PLXDC2: variants seen among roughly 807,000 people sequenced by gnomAD.
The protein encoded by PLXDC2 is plexin domain-containing protein 2.
Under a neutral mutation model 68.9 loss-of-function variants are expected in PLXDC2, and 40 were observed. The ratio of observed to expected loss-of-function variants is 0.58; its 90% CI spans 0.45 to 0.76. The LOEUF (loss-of-function observed/expected upper bound fraction) is 0.76. Among genes scored for constraint, PLXDC2 ranks in the 30% least tolerant of loss-of-function variants. PLXDC2 has a pLI of 0.00. For synonymous variants in PLXDC2, 243 were observed against 234.2 expected (o/e 1.04, Z -0.34); for missense variants, 644 against 661.9 (o/e 0.97, Z 0.30).
At chr10:20,265,056 A>G (rs888423400) in intron 13 of PLXDC2, among the ~76,000 whole-genome samples, 1 of 152,230 alleles carries the variant, frequency 6.6e-6, no homozygotes, top group African/African-American at 2.4e-5. Flanking sequence ...ACAATCATGA[A>G]GTTTTTAACA....
intron 2 of PLXDC2, among the ~76,000 whole-genome samples, chr10:20,006,050 G>A (rs1299869511): frequency 2.0e-5 from 3 of 151,860 alleles, no homozygotes; most frequent in East Asian, 1.9e-4. Flanking sequence ...ATTAGCTGGC[G>A]AGTGTCTGTA....
In PLXDC2 at chr10:20,285,565, T is replaced by C. The variant is rs1473065746; in HGVS notation, c.*5746T>C. 4.6e-5 allele frequency: 7 copies of C among 152,236 alleles called. No individual in the cohort carries two copies. In the East Asian group the frequency reaches 7.7e-4, roughly 17 times the overall value. The allele number at this position is 152,236 out of a possible 1,614,324, so 9.4% of individuals were successfully genotyped here. A position where few individuals can be genotyped will look rare whatever the true frequency, so the allele number is the denominator to read the frequency against. Reference sequence around the variant, plus strand: ...AATATATCACTGCATGTCTGTGCTGTAGACCTGTTAATTTTATCTGTGAGA... The same window carrying C: ...AATATATCACTGCATGTCTGTGCTGCAGACCTGTTAATTTTATCTGTGAGA... On this transcript the variant is annotated 3_prime_UTR_variant, in exon 14 of 14. Transcript: ENST00000377252.
At chr10:20,027,436 G>T (rs1239106180) in intron 2 of PLXDC2, among the ~76,000 whole-genome samples, 1 of 152,068 alleles carries the variant, frequency 6.6e-6, no homozygotes, top group Non-Finnish European at 1.5e-5. Flanking sequence ...ACTATGTGAG[G>T]ATGCAACGAG....
chr10:19,819,439 A>G (rs1836422803), intron 1 of PLXDC2, among the ~76,000 whole-genome samples: 1 of 152,026 alleles, frequency 6.6e-6, no homozygotes, highest in Non-Finnish European at 1.5e-5. Context: ...AGAAAAAAGT[A>G]TACAACTTTA....
intron 1 of PLXDC2, among the ~76,000 whole-genome samples, chr10:19,997,192 G>T (rs11011726): frequency 0.085 from 12,967 of 152,222 alleles, 1,073 homozygotes; most frequent in East Asian, 0.45. Context: ...AATGCTGCCA[G>T]TTAAAACCTC....
chr10:20,252,041 A>T (rs574885906), intron 13 of PLXDC2, among the ~76,000 whole-genome samples: 1 of 152,314 alleles, frequency 6.6e-6, no homozygotes, highest in Admixed American at 6.5e-5. Flanking sequence ...AGTTCAAATG[A>T]TTAATTTAAA....
At chr10:19,967,009 A>G (rs1476328638) in intron 1 of PLXDC2, among the ~76,000 whole-genome samples, 1 of 152,168 alleles carries the variant, frequency 6.6e-6, no homozygotes, top group East Asian at 1.9e-4. Flanking sequence ...TGTCAGTGCT[A>G]ACAGATGGCA....
chr10:20,130,373 A>AT (rs1833851226), intron 4 of PLXDC2, among the ~76,000 whole-genome samples: 1 of 152,078 alleles, frequency 6.6e-6, no homozygotes. Context: ...CTTTCACTGA[A>AT]TTTGTTTATT....
chr10:19,833,152 CTT>C (rs1009492945), intron 1 of PLXDC2, among the ~76,000 whole-genome samples: 26 of 152,154 alleles, frequency 1.7e-4, no homozygotes, highest in African/African-American at 5.1e-4. Context: ...TCTCTGAAAA[CTT>C]TACTTAATCT....
intron 4 of PLXDC2, among the ~76,000 whole-genome samples, chr10:20,108,616 C>T (rs538316327): frequency 4.6e-5 from 7 of 152,054 alleles, no homozygotes; most frequent in Non-Finnish European, 8.8e-5. Context: ...CATAACACTT[C>T]GCCAGTACTT....
intron 12 of PLXDC2, among the ~76,000 whole-genome samples, chr10:20,225,077 G>C (rs1835268253): frequency 6.6e-6 from 1 of 152,148 alleles, no homozygotes; most frequent in Non-Finnish European, 1.5e-5. Flanking sequence ...TGATTTCTAA[G>C]AATTAAAACA....
At chr10:20,177,913 T>G (rs183265815) in intron 9 of PLXDC2, among the ~76,000 whole-genome samples, 1 of 152,230 alleles carries the variant, frequency 6.6e-6, no homozygotes, top group Non-Finnish European at 1.5e-5. Context: ...GAGCTCAAAA[T>G]TACTAACAGC....
chr10:20,191,624 C>A (rs529387940), intron 9 of PLXDC2, among the ~76,000 whole-genome samples: 62 of 150,500 alleles, frequency 4.1e-4, no homozygotes, highest in African/African-American at 1.5e-3. Context: ...GTGTGTTGTT[C>A]CCCTTCCTGT....
At chr10:20,028,751 T>C (rs1317677481) in intron 2 of PLXDC2, among the ~76,000 whole-genome samples, 1 of 152,182 alleles carries the variant, frequency 6.6e-6, no homozygotes, top group African/African-American at 2.4e-5. Flanking sequence ...GTATGAGCTA[T>C]TATGAGTTTT....
chr10:20,014,566 C>T (rs1013378104), intron 2 of PLXDC2, among the ~76,000 whole-genome samples: 2 of 151,820 alleles, frequency 1.3e-5, no homozygotes, highest in Non-Finnish European at 2.9e-5. Context: ...AGCTCAGTTA[C>T]TTATTGGTCC....
At chr10:20,018,809 C>G (rs993380874) in intron 2 of PLXDC2, among the ~76,000 whole-genome samples, 1 of 151,986 alleles carries the variant, frequency 6.6e-6, no homozygotes, top group Non-Finnish European at 1.5e-5. Context: ...TTTAATAAGA[C>G]AGGAGCTGTT....
At chr10:19,962,152 T>G (rs1436137736) in intron 1 of PLXDC2, among the ~76,000 whole-genome samples, 3 of 152,120 alleles carry the variant, frequency 2.0e-5, no homozygotes, top group Non-Finnish European at 4.4e-5. Context: ...GATACTTGTT[T>G]CAGGAAATAA....
chr10:20,210,520 G>A (rs1835055027), intron 9 of PLXDC2, among the ~76,000 whole-genome samples: 1 of 152,146 alleles, frequency 6.6e-6, no homozygotes, highest in South Asian at 2.1e-4. Context: ...AGTCAAGGAA[G>A]ACAGTATGAG....
At chr10:19,948,102 A>T (rs769040044) in intron 1 of PLXDC2, among the ~76,000 whole-genome samples, 5 of 152,200 alleles carry the variant, frequency 3.3e-5, no homozygotes, top group Non-Finnish European at 5.9e-5. Flanking sequence ...TGTGAAATGG[A>T]TTTTTAAATT....
Sources: allele counts gnomAD v4.1 joint callset (sites outside exome capture counted in the v4.1 genomes callset), GRCh38; gene constraint gnomAD v4.1.1; transcripts MANE v1.5; gene names NCBI Gene and HGNC (gene_info 2026-07-23, HGNC 2026-07-21).